ME3: variants seen among roughly 807,000 people sequenced by gnomAD.
ME3 encodes the protein NADP-dependent malic enzyme, mitochondrial.
In ME3, 48 loss-of-function variants were observed where a neutral mutation model predicts 68.9. The ratio of observed to expected loss-of-function variants is 0.70; its 90% CI spans 0.55 to 0.89. The LOEUF (loss-of-function observed/expected upper bound fraction) is 0.89, where lower values mean the gene tolerates loss of function less well. Ranked by LOEUF, ME3 falls within the 40% of genes least tolerant of loss-of-function variation. The pLI, the probability that ME3 is intolerant of heterozygous loss-of-function variation, is 0.00. For synonymous variants in ME3, 320 were observed against 318.8 expected (o/e 1.00, Z -0.04); for missense variants, 675 against 797.4 (o/e 0.85, Z 1.85).
At chr11:86,548,460 A>G (rs1956488990) in intron 4 of ME3, among the ~76,000 whole-genome samples, 1 of 152,184 alleles carries the variant, frequency 6.6e-6, no homozygotes, top group South Asian at 2.1e-4. Context: ...CACGGCATCA[A>G]ATAATCCATG....
chr11:86,501,175 T>TATTATAATAATAATAATAATA (rs1555215053), intron 5 of ME3, among the ~76,000 whole-genome samples: 3 of 147,138 alleles, frequency 2.0e-5, no homozygotes, highest in South Asian at 2.1e-4. Flanking sequence ...ATAAAATGCA[T>TATTATAATAATAATAATAATA]ATAATAATAA....
intron 5 of ME3, among the ~76,000 whole-genome samples, chr11:86,504,018 A>G (rs1049032250): frequency 9.9e-5 from 15 of 152,200 alleles, no homozygotes; most frequent in African/African-American, 3.1e-4. Flanking sequence ...CCTGAAAAGC[A>G]AGTCCCACAA....
At chr11:86,513,643 G>A (rs1305647623) in intron 4 of ME3, among the ~76,000 whole-genome samples, 1 of 152,164 alleles carries the variant, frequency 6.6e-6, no homozygotes, top group Non-Finnish European at 1.5e-5. Flanking sequence ...GCACATTGGG[G>A]TCCCTAATAG....
At chr11:86,457,795 C>T (rs1950023657) in intron 8 of ME3, 1 of 1,257,620 alleles carries the variant, frequency 8.0e-7, no homozygotes, top group Non-Finnish European at 1.0e-6. Flanking sequence ...TTTTTTTTTC[C>T]AGAGGGAGAT....
intron 2 of ME3, among the ~76,000 whole-genome samples, chr11:86,569,262 T>G (rs1358019588): frequency 1.3e-5 from 2 of 152,202 alleles, no homozygotes; most frequent in African/African-American, 4.8e-5. Context: ...ACAACGTAAC[T>G]GCTTGTCCAT....
intron 4 of ME3, among the ~76,000 whole-genome samples, chr11:86,517,884 A>G (rs1490524004): frequency 1.3e-5 from 2 of 152,278 alleles, no homozygotes; most frequent in African/African-American, 4.8e-5. Context: ...GGGTGCTGGA[A>G]GGAGGCAGAG....
At chr11:86,536,438 A>G (rs1342765415) in intron 4 of ME3, among the ~76,000 whole-genome samples, 2 of 129,320 alleles carry the variant, frequency 1.5e-5, no homozygotes, top group African/African-American at 6.1e-5. Flanking sequence ...CAAATTTACA[A>G]GAAAAAAACA....
In ME3 at chr11:86,575,127, C is replaced by CA. The variant is rs561396820; in HGVS notation, c.184-15305dup. Among the ~76,000 whole-genome samples the CA allele has an allele frequency of 3.3e-4, 48 of 147,266 alleles. 8 individuals carry two copies. Among genetic ancestry groups the CA allele is most frequent in the Middle Eastern group, 6.9e-3 (2 of 290 alleles). ...CCCTTGAAACATATCTCAAGGTCTT[C>CA]ATACAGCTTCTAACATTTTTAAAAT... is the stretch of plus-strand genomic sequence containing the variant. On this transcript the variant is annotated intron_variant, in intron 2 of 14. Transcript: ENST00000543262.
At chr11:86,442,580 C>T (rs1235846329) in intron 14 of ME3, among the ~76,000 whole-genome samples, 1 of 152,038 alleles carries the variant, frequency 6.6e-6, no homozygotes, top group African/African-American at 2.4e-5. Context: ...CATTGATGAC[C>T]TTTCTGCTTG....
intron 2 of ME3, among the ~76,000 whole-genome samples, chr11:86,657,491 G>T (rs1286541548): frequency 6.6e-6 from 1 of 151,732 alleles, no homozygotes. Flanking sequence ...GCAAGGGGAG[G>T]GATAGCATTA....
At chr11:86,456,575 A>G (rs1304428933) in intron 8 of ME3, among the ~76,000 whole-genome samples, 1 of 152,108 alleles carries the variant, frequency 6.6e-6, no homozygotes, top group Non-Finnish European at 1.5e-5. Context: ...TCTGCTGCTC[A>G]GACAGCCCTT....
intron 4 of ME3, among the ~76,000 whole-genome samples, chr11:86,510,963 C>T (rs139532420): frequency 2.2e-4 from 34 of 152,286 alleles, no homozygotes; most frequent in East Asian, 1.4e-3. Flanking sequence ...AATATTTCCC[C>T]GACATAACTA....
At chr11:86,579,610 G>A (rs1052093752) in intron 2 of ME3, among the ~76,000 whole-genome samples, 1 of 152,138 alleles carries the variant, frequency 6.6e-6, no homozygotes, top group Non-Finnish European at 1.5e-5. Flanking sequence ...TCATGAACCT[G>A]GTGTTTCTGA....
At chr11:86,574,340 G>A (rs1421584585) in intron 2 of ME3, among the ~76,000 whole-genome samples, 7 of 138,800 alleles carry the variant, frequency 5.0e-5, no homozygotes, top group Admixed American at 7.6e-5. Flanking sequence ...TCATCTTCCC[G>A]GATTTATCTA....
At chr11:86,528,894 A>G (rs1263916067) in intron 4 of ME3, among the ~76,000 whole-genome samples, 1 of 152,220 alleles carries the variant, frequency 6.6e-6, no homozygotes, top group Non-Finnish European at 1.5e-5. Flanking sequence ...AATGCCCACA[A>G]GAGAAAGCAG....
In ME3 at chr11:86,593,256, G is replaced by A. The variant is rs537580978; in HGVS notation, c.184-33433C>T. Among the ~76,000 whole-genome samples, 18 of 117,632 alleles carry A rather than the reference G, an allele frequency of 1.5e-4. 2 individuals are homozygous for A. Among genetic ancestry groups the A allele is most frequent in the African/African-American group, 4.8e-4 (15 of 31,250 alleles). 77.2% of individuals were successfully genotyped at this position (117,632 alleles called of 152,430 possible). A position where few individuals can be genotyped will look rare whatever the true frequency, so the allele number is the denominator to read the frequency against. On this transcript the variant is annotated intron_variant, in intron 2 of 14. Transcript: ENST00000543262. ...CAACATACCAGGCACCGTACAACAC[G>A]AAACTGTAGGCTCCCCCTCCAGGAA...
intron 2 of ME3, among the ~76,000 whole-genome samples, chr11:86,593,052 A>G (rs138420910): frequency 1.4e-4 from 22 of 152,338 alleles, no homozygotes; most frequent in Non-Finnish European, 2.2e-4. Flanking sequence ...ATGACTGGGT[A>G]TGAAAAGAGA....
chr11:86,538,050 C>T (rs1189488319), intron 4 of ME3, among the ~76,000 whole-genome samples: 1 of 152,214 alleles, frequency 6.6e-6, no homozygotes, highest in Non-Finnish European at 1.5e-5. Context: ...CCCCATGTCC[C>T]TGCAAGGGAC....
exon 9 of ME3, chr11:86,450,317 A>G (rs1185048173): frequency 6.2e-7 from 1 of 1,614,180 alleles, no homozygotes; most frequent in Non-Finnish European, 8.5e-7. Context: ...TGCACCTTGG[A>G]AAACAAACAC....
Sources: allele counts gnomAD v4.1 joint callset (sites outside exome capture counted in the v4.1 genomes callset), GRCh38; gene constraint gnomAD v4.1.1; transcripts MANE v1.5; gene names NCBI Gene and HGNC (gene_info 2026-07-23, HGNC 2026-07-21).